Variants in NIPBL observed in about 807,000 individuals in gnomAD.
NIPBL encodes the protein NIPBL cohesin loading factor.
In NIPBL, 19 loss-of-function variants were observed where a neutral mutation model predicts 321.8. The ratio of observed to expected loss-of-function variants is 0.06; its 90% confidence interval spans 0.04 to 0.09. NIPBL has a LOEUF of 0.09. Ranked by LOEUF, NIPBL falls within the 10% of genes least tolerant of loss-of-function variation. The pLI is 1.00. For synonymous variants in NIPBL, 1,106 were observed against 1,114.1 expected (o/e 0.99, Z 0.14); for missense variants, 2,210 against 3,327.0 (o/e 0.66, Z 8.26).
chr5:37,061,669 A>G (rs1165511433), intron 45 of NIPBL, among the ~76,000 whole-genome samples: 1 of 152,152 alleles, frequency 6.6e-6, no homozygotes, highest in Admixed American at 6.5e-5. Flanking sequence ...ACAGGAGTGA[A>G]ACCCTGTCTC....
At chr5:36,890,291 CTT>C (rs1341845252) in intron 1 of NIPBL, among the ~76,000 whole-genome samples, 1 of 152,090 alleles carries the variant, frequency 6.6e-6, no homozygotes, top group Non-Finnish European at 1.5e-5. Context: ...AGTAGAATCT[CTT>C]AAGTGGAAGT....
In NIPBL at chr5:36,952,048, G is replaced by GTA. The variant is rs1740377272; in HGVS notation, c.-79-1569_-79-1568insAT. On this transcript the variant is annotated intron_variant, in intron 1 of 46. Transcript: ENST00000282516. ...TGTGTGTGTGTGTGTGTGTGTGTGT[G>GTA]TGTGTGCGCGCGCGCGCGCGCGCGC... Among the ~76,000 whole-genome samples, 25 of 116,754 alleles carry GTA rather than the reference G, an allele frequency of 2.1e-4. No individual in the cohort carries two copies. The Admixed American group carries it at 2.5e-3, about 11-fold the overall frequency. The allele number at this position is 116,754 out of a possible 152,430, so 76.6% of individuals were successfully genotyped here. A position where few individuals can be genotyped will look rare whatever the true frequency, so the allele number is the denominator to read the frequency against.
chr5:36,988,048 C>A (rs971601438), intron 10 of NIPBL, among the ~76,000 whole-genome samples: 34 of 152,118 alleles, frequency 2.2e-4, no homozygotes, highest in African/African-American at 8.0e-4. Context: ...TCTTTCTCTC[C>A]CTCCCCTCTC....
chr5:36,919,134 G>A (rs1002601457), intron 1 of NIPBL, among the ~76,000 whole-genome samples: 3 of 151,902 alleles, frequency 2.0e-5, no homozygotes, highest in South Asian at 2.1e-4. Flanking sequence ...GGTAGAATTC[G>A]AATCCATTTA....
chr5:36,998,723 A>T (rs1046840275), intron 11 of NIPBL, among the ~76,000 whole-genome samples: 1 of 152,100 alleles, frequency 6.6e-6, no homozygotes, highest in African/African-American at 2.4e-5. Flanking sequence ...GCATTTCAGT[A>T]CTTGTGAAAA....
intron 40 of NIPBL, chr5:37,051,318 C>T: frequency 5.5e-6 from 1 of 181,600 alleles, no homozygotes; most frequent in South Asian, 1.3e-4. Context: ...GTTATCAACT[C>T]TCTGTTCCTC....
intron 1 of NIPBL, among the ~76,000 whole-genome samples, chr5:36,910,616 G>C (rs1747974877): frequency 6.6e-6 from 1 of 152,180 alleles, no homozygotes; most frequent in Non-Finnish European, 1.5e-5. Flanking sequence ...GCCGTGGAGA[G>C]TATACCTCAA....
At chr5:36,948,602 G>A (rs773933467) in intron 1 of NIPBL, among the ~76,000 whole-genome samples, 1 of 151,854 alleles carries the variant, frequency 6.6e-6, no homozygotes, top group South Asian at 2.1e-4. Flanking sequence ...TAAGGGGTTT[G>A]TGCTTGGTAA....
chr5:36,911,691 C>T (rs1295591094), intron 1 of NIPBL, among the ~76,000 whole-genome samples: 2 of 152,040 alleles, frequency 1.3e-5, no homozygotes. Context: ...GCAAATATTT[C>T]CTGATCATAT....
intron 1 of NIPBL, chr5:36,886,612 T>A (rs1745926908): frequency 3.8e-6 from 2 of 533,328 alleles, no homozygotes; most frequent in African/African-American, 1.9e-5. Flanking sequence ...GAAATTTTTT[T>A]AATATGTCAG....
At chr5:37,046,253 T>C in intron 38 of NIPBL, 54 bp downstream of exon 38, 1 of 938,738 alleles carries the variant, frequency 1.1e-6, no homozygotes. Context: ...TAGAGCATAT[T>C]TTTAAATATT....
chr5:36,966,567 G>A (rs1465055517), intron 6 of NIPBL, among the ~76,000 whole-genome samples: 15 of 152,004 alleles, frequency 9.9e-5, no homozygotes, highest in Admixed American at 9.2e-4. Flanking sequence ...TAAATAATCT[G>A]TGGGATGATA....
chr5:36,927,118 C>G (rs1749424743), intron 1 of NIPBL, among the ~76,000 whole-genome samples: 1 of 152,126 alleles, frequency 6.6e-6, no homozygotes, highest in South Asian at 2.1e-4. Context: ...CTATCATCTG[C>G]TTTTGTATCA....
At chr5:37,006,215 G>A (rs185232915) in intron 16 of NIPBL, 142 bp from the exon 17 acceptor site, 20 of 652,856 alleles carry the variant, frequency 3.1e-5, no homozygotes, top group Admixed American at 9.2e-5. Flanking sequence ...ATCAGTATTT[G>A]TACCTCATTC....
chr5:36,894,744 C>G (rs1443187988), intron 1 of NIPBL, among the ~76,000 whole-genome samples: 4 of 152,124 alleles, frequency 2.6e-5, no homozygotes, highest in Non-Finnish European at 4.4e-5. Flanking sequence ...TTCACTTGAT[C>G]TTTTCTAGCA....
At chr5:36,972,784 A>G (rs1309776682) in intron 8 of NIPBL, among the ~76,000 whole-genome samples, 1 of 149,390 alleles carries the variant, frequency 6.7e-6, no homozygotes, top group Non-Finnish European at 1.5e-5. Context: ...CTTTTCAACT[A>G]TTTAGTCATT....
In NIPBL at chr5:36,953,693, C is replaced by G. The variant is rs1406680441; in HGVS notation, c.-4C>G. On this transcript the variant is annotated 5_prime_UTR_variant, in exon 2 of 47. Coordinates refer to ENST00000282516, the MANE Select transcript of NIPBL (RefSeq NM_133433.4). ...TATAGGCAACACCATTCCAGAAATT[C>G]AGGATGAATGGGGATATGCCCCATG... 3 of 1,613,458 alleles carry G rather than the reference C, an allele frequency of 1.9e-6. No homozygotes were observed. The highest frequency in any genetic ancestry group is 2.5e-6 in the Non-Finnish European group (3 of 1,179,432).
intron 1 of NIPBL, among the ~76,000 whole-genome samples, chr5:36,947,972 A>G (rs1314727468): frequency 6.6e-6 from 1 of 151,970 alleles, no homozygotes; most frequent in Non-Finnish European, 1.5e-5. Flanking sequence ...TATATCTTTA[A>G]TATCTTTTCA....
rs553805636 is a variant in NIPBL, at chr5:36,968,552, CAAAAA to C, written c.611-2318_611-2314del. On this transcript the variant is annotated intron_variant, in intron 6 of 46. Coordinates refer to ENST00000282516, the MANE Select transcript of NIPBL (RefSeq NM_133433.4). ...TGGGCAACTGAGCAAGACTCCGTCT[CAAAAA>C]AAAAAGAAGAAAAATACATTAAGCT... is the stretch of plus-strand genomic sequence containing the variant. 2.1e-5 allele frequency among the ~76,000 whole-genome samples: 3 copies of C among 144,770 alleles called. 1 individual carries two copies. Among genetic ancestry groups the C allele is most frequent in the African/African-American group, 7.6e-5 (3 of 39,360 alleles). 95.0% of individuals were successfully genotyped at this position (144,770 alleles called of 152,430 possible). A position where few individuals can be genotyped will look rare whatever the true frequency, so the allele number is the denominator to read the frequency against.
Sources: allele counts gnomAD v4.1 joint callset (sites outside exome capture counted in the v4.1 genomes callset), GRCh38; gene constraint gnomAD v4.1.1; transcripts MANE v1.5; gene names NCBI Gene and HGNC (gene_info 2026-07-23, HGNC 2026-07-21).